Variants in BCAS3 observed in about 807,000 individuals in gnomAD.
BCAS3 encodes the protein BCAS3 microtubule associated cell migration factor, also known as BCAS4/BCAS3 fusion.
In BCAS3, 53 loss-of-function variants were observed where a neutral mutation model predicts 116.1. That is an observed-to-expected ratio of 0.46 (90% CI 0.37 to 0.57). The LOEUF is 0.57. Among genes scored for constraint, BCAS3 ranks in the 20% least tolerant of loss-of-function variants. The pLI, the probability that BCAS3 is intolerant of heterozygous loss-of-function variation, is 0.00. For missense variants in BCAS3, 917 were observed against 1,165.4 expected (o/e 0.79, Z 3.10); for synonymous variants, 391 against 408.2 (o/e 0.96, Z 0.51).
At position 61,161,434 on chromosome 17, in the gene BCAS3, A is replaced by G. The variant is rs943690095; in HGVS notation, c.2425+76870A>G. On this transcript the variant is annotated intron_variant, in intron 22 of 23. Transcript: ENST00000407086. The surrounding 1 kb of genome is among the most constrained non-coding windows in gnomAD (Gnocchi z 4.8). Reference sequence around the variant, plus strand: ...GCATTTAATTTAAAGCAGTTGTCCCAATTTCATTACCACAGAGCATAGCGT... The same window carrying G: ...GCATTTAATTTAAAGCAGTTGTCCCGATTTCATTACCACAGAGCATAGCGT... Among the ~76,000 whole-genome samples the G allele has an allele frequency of 4.6e-5, 7 of 152,264 alleles. No homozygotes were observed. Among genetic ancestry groups the G allele is most frequent in the Non-Finnish European group, 7.3e-5 (5 of 68,046 alleles).
chr17:61,335,350 A>C (rs76070363), intron 22 of BCAS3, among the ~76,000 whole-genome samples: 1,573 of 152,236 alleles, frequency 0.01, 17 homozygotes, highest in Middle Eastern at 0.037. Flanking sequence ...TTGCAGGAGC[A>C]CTTCTTCCCC....
chr17:61,034,551 A>G lies in BCAS3; in HGVS notation c.1638-115A>G. 1.1e-6 allele frequency: 1 copy of G among 900,698 alleles called. No individual in the cohort carries two copies. The highest frequency in any genetic ancestry group is 1.9e-5 in the South Asian group (1 of 52,352). The allele number at this position is 900,698 out of a possible 1,614,324, so 55.8% of individuals were successfully genotyped here. On this transcript the variant is annotated intron_variant, in intron 16 of 23. Transcript: ENST00000407086. The surrounding 1 kb of genome is among the most constrained non-coding windows in gnomAD (Gnocchi z 5.0). ...CCATTTATTACTTAAGGCAAAATGCATGTTCATACTGGAGGATTTGAATAG... is the reference window on the plus strand; with the variant it reads ...CCATTTATTACTTAAGGCAAAATGCGTGTTCATACTGGAGGATTTGAATAG...
rs2079942228 is a variant in BCAS3 at position 61,189,034 on chromosome 17, T to C, written c.2425+104470T>C. Reference sequence around the variant, plus strand: ...AGGAGAATTGCTTGAGGCCGGGAGATTGAGGCTGCAGTGAGCTGCTATTAT... The same window carrying C: ...AGGAGAATTGCTTGAGGCCGGGAGACTGAGGCTGCAGTGAGCTGCTATTAT... On this transcript the variant is annotated intron_variant, in intron 22 of 23. Transcript: ENST00000407086. This position sits in a 1 kb window ranked among gnomAD's most constrained non-coding sequence, Gnocchi z 4.5. Among the ~76,000 whole-genome samples the C allele has an allele frequency of 1.3e-5, 2 of 151,846 alleles. No individual in the cohort carries two copies. Among genetic ancestry groups the C allele is most frequent in the South Asian group, 4.2e-4 (2 of 4,788 alleles).
intron 22 of BCAS3, among the ~76,000 whole-genome samples, chr17:61,289,754 G>T (rs1052778860): frequency 1.3e-5 from 2 of 152,120 alleles, no homozygotes; most frequent in Non-Finnish European, 2.9e-5. Context: ...GATCTTTCCA[G>T]TAAGGGGGAG....
intron 6 of BCAS3, among the ~76,000 whole-genome samples, chr17:60,792,647 G>T (rs2046877685): frequency 6.6e-6 from 1 of 152,182 alleles, no homozygotes. Context: ...CCTCCCTAGG[G>T]AGTGAGTGAG....
In BCAS3 at chr17:61,122,738, A is replaced by G. The variant is rs1425402573; in HGVS notation, c.2425+38174A>G. Reference sequence around the variant, plus strand: ...GACAAAAAACAAAACAAAACAAAAAACCATCTCAGCAAAAATAAATTCAAG... The same window carrying G: ...GACAAAAAACAAAACAAAACAAAAAGCCATCTCAGCAAAAATAAATTCAAG... On this transcript the variant is annotated intron_variant, in intron 22 of 23. Transcript: ENST00000407086. This position sits in a 1 kb window ranked among gnomAD's most constrained non-coding sequence, Gnocchi z 4.6. 6.6e-6 allele frequency among the ~76,000 whole-genome samples: 1 copy of G among 152,168 alleles called. No homozygotes were observed. The highest frequency in any genetic ancestry group is 2.4e-5 in the African/African-American group (1 of 41,436).
In BCAS3 at chr17:61,052,848, G is replaced by C. The variant is rs1183430048; in HGVS notation, c.2029+11956G>C. 3.3e-5 allele frequency among the ~76,000 whole-genome samples: 5 copies of C among 151,482 alleles called. No homozygotes were observed. In the East Asian group the frequency reaches 9.8e-4, roughly 30 times the overall value. On this transcript the variant is annotated intron_variant, in intron 19 of 23. Coordinates refer to ENST00000407086, the MANE Select transcript of BCAS3 (RefSeq NM_017679.5). ...TCCTCCTGCCTCAGCCTCCCAAGTA[G>C]CTGGGACTCCAGGTGTGTGCCACCA...
intron 16 of BCAS3, among the ~76,000 whole-genome samples, chr17:61,030,880 G>A (rs889593368): frequency 6.6e-6 from 1 of 151,452 alleles, no homozygotes; most frequent in African/African-American, 2.4e-5. Flanking sequence ...AAAAACTAAG[G>A]GTAGTAAAGG....
At chr17:60,841,380 CTT>C (rs1220454180) in intron 7 of BCAS3, among the ~76,000 whole-genome samples, 27 of 137,860 alleles carry the variant, frequency 2.0e-4, no homozygotes, top group Middle Eastern at 3.7e-3. Context: ...TCTTCTCATA[CTT>C]TTTTTTTTTT....
At position 61,261,746 on chromosome 17, in the gene BCAS3, G is replaced by A. The variant is rs537265150; in HGVS notation, c.2426-106581G>A. Among the ~76,000 whole-genome samples the A allele has an allele frequency of 2.6e-5, 4 of 152,316 alleles. No individual in the cohort carries two copies. Among genetic ancestry groups the A allele is most frequent in the South Asian group, 4.1e-4 (2 of 4,824 alleles). Reference sequence around the variant, plus strand: ...ACAACTCATATGAGGCTGTTTCACTGTAGACTGAGATTGTCAAGACTTCTC... The same window carrying A: ...ACAACTCATATGAGGCTGTTTCACTATAGACTGAGATTGTCAAGACTTCTC... On this transcript the variant is annotated intron_variant, in intron 22 of 23. Transcript: ENST00000407086. This position sits in a 1 kb window ranked among gnomAD's most constrained non-coding sequence, Gnocchi z 4.4.
In BCAS3 at chr17:61,220,260, C is replaced by T. The variant is rs1755407405; in HGVS notation, c.2425+135696C>T. Among the ~76,000 whole-genome samples the T allele has an allele frequency of 6.6e-6, 1 of 151,742 alleles. No homozygotes were observed. The highest frequency in any genetic ancestry group is 2.4e-5 in the African/African-American group (1 of 41,256). On this transcript the variant is annotated intron_variant, in intron 22 of 23. Coordinates refer to ENST00000407086, the MANE Select transcript of BCAS3 (RefSeq NM_017679.5). The surrounding 1 kb of genome is among the most constrained non-coding windows in gnomAD (Gnocchi z 4.5). ...AGTGAGCCAAGATTGTGCCACTGCA[C>T]TTCAGCCTGGGCAACAGAGTGAGAC... is the stretch of plus-strand genomic sequence containing the variant.
intron 12 of BCAS3, among the ~76,000 whole-genome samples, chr17:60,919,672 G>GTTT (rs549477425): frequency 5.3e-5 from 8 of 150,162 alleles, no homozygotes; most frequent in African/African-American, 1.2e-4. Context: ...TTTTTCCTGT[G>GTTT]TGTTTTTTTT....
Position 61,215,782 on chromosome 17 carries a change from A to G in BCAS3, c.2425+131218A>G, listed in dbSNP as rs1314313402. Among the ~76,000 whole-genome samples the G allele has an allele frequency of 2.0e-5, 3 of 152,174 alleles. No homozygotes were observed. The highest frequency in any genetic ancestry group is 2.1e-4 in the South Asian group (1 of 4,824). ...CTTAGTGCAGTAGTTCTCAACCTTG[A>G]CTATATATTAGAATTCCTTGGAGAC... On this transcript the variant is annotated intron_variant, in intron 22 of 23. Coordinates refer to ENST00000407086, the MANE Select transcript of BCAS3 (RefSeq NM_017679.5). This position sits in a 1 kb window ranked among gnomAD's most constrained non-coding sequence, Gnocchi z 4.8.
chr17:60,909,038 A>G (rs963793120), intron 11 of BCAS3, among the ~76,000 whole-genome samples: 2 of 152,078 alleles, frequency 1.3e-5, no homozygotes, highest in African/African-American at 4.8e-5. Context: ...TTGAGCTTCC[A>G]TTTTACTTAA....
chr17:61,092,256 T>C (rs533755015), intron 22 of BCAS3, among the ~76,000 whole-genome samples: 144 of 152,352 alleles, frequency 9.5e-4, no homozygotes, highest in African/African-American at 3.3e-3. Context: ...ATATCCAATA[T>C]TCTGTCATTT....
rs545436876 is a variant in BCAS3 at position 61,256,340 on chromosome 17, C to G, written c.2426-111987C>G. 3.3e-5 allele frequency among the ~76,000 whole-genome samples: 5 copies of G among 152,136 alleles called. No individual in the cohort carries two copies. The highest frequency in any genetic ancestry group is 2.6e-4 in the Admixed American group (4 of 15,268). On this transcript the variant is annotated intron_variant, in intron 22 of 23. Transcript: ENST00000407086. This position sits in a 1 kb window ranked among gnomAD's most constrained non-coding sequence, Gnocchi z 5.6. ...ATTTTTTGAGGCAGAGTTTCACTCT[C>G]TCGCCCAGGCTGGAGTGCAGCGGTG...
chr17:61,069,992 G>T, intron 19 of BCAS3: 2 of 1,589,180 alleles, frequency 1.3e-6, no homozygotes, highest in Non-Finnish European at 1.7e-6. Flanking sequence ...AAGAAGATCC[G>T]CACGTCACCC....
rs972431755 is a variant in BCAS3, at chr17:61,180,945, C to T, written c.2425+96381C>T. Among the ~76,000 whole-genome samples, 4 of 152,060 alleles carry T rather than the reference C, an allele frequency of 2.6e-5. No homozygotes were observed. Among genetic ancestry groups the T allele is most frequent in the African/African-American group, 7.2e-5 (3 of 41,400 alleles). ...TTTAAAAAGGATCTAAGGTCAGGCA[C>T]GATGGCTCACACCTGTAATCTTAGC... On this transcript the variant is annotated intron_variant, in intron 22 of 23. Transcript: ENST00000407086. The surrounding 1 kb of genome is among the most constrained non-coding windows in gnomAD (Gnocchi z 6.0).
intron 10 of BCAS3, among the ~76,000 whole-genome samples, chr17:60,901,464 CTA>C (rs1396233002): frequency 6.6e-6 from 1 of 152,100 alleles, no homozygotes; most frequent in Non-Finnish European, 1.5e-5. Flanking sequence ...TTATTGTACT[CTA>C]TGTGAAACCA....
Sources: allele counts gnomAD v4.1 joint callset (sites outside exome capture counted in the v4.1 genomes callset), GRCh38; gene constraint gnomAD v4.1.1; non-coding constraint Gnocchi (gnomAD v3.1); transcripts MANE v1.5; gene names NCBI Gene and HGNC (gene_info 2026-07-23, HGNC 2026-07-21).